Variants in TBX15 observed in about 807,000 individuals in gnomAD.
TBX15 encodes T-box transcription factor 15, also known as T-box transcription factor TBX15.
In TBX15, 18 loss-of-function variants were observed where a neutral mutation model predicts 53.9. The ratio of observed to expected loss-of-function variants is 0.33; its 90% confidence interval spans 0.23 to 0.49. The LOEUF (loss-of-function observed/expected upper bound fraction) is 0.49, where lower values mean the gene tolerates loss of function less well. Ranked by LOEUF, TBX15 falls within the 20% of genes least tolerant of loss-of-function variation. The pLI is 0.98. For synonymous variants in TBX15, 295 were observed against 278.0 expected, an observed-to-expected ratio of 1.06 and a Z score of -0.61; for missense variants, 692 against 749.5, an observed-to-expected ratio of 0.92 and a Z score of 0.90.
intron 7 of TBX15, among the ~76,000 whole-genome samples, chr1:118,893,398 A>AAAGAAAGG (rs1654248617): frequency 7.7e-6 from 1 of 130,364 alleles, no homozygotes; most frequent in East Asian, 2.4e-4. Context: ...AGAAAGAAAG[A>AAAGAAAGG]AAGAAAGAAA....
At chr1:118,912,193 C>T (rs774549779) in intron 6 of TBX15, among the ~76,000 whole-genome samples, 3 of 151,714 alleles carry the variant, frequency 2.0e-5, no homozygotes, top group Non-Finnish European at 4.4e-5. Context: ...TAAGCAAATA[C>T]TAAATGCTAT....
Position 118,923,423 on chromosome 1 carries a change from G to C in TBX15, c.861+13C>G. On this transcript the variant is annotated intron_variant, in intron 5 of 7. Transcript: ENST00000369429. Reference sequence around the variant, plus strand: ...ACAGATGTAGCAGAAGACTCTCAAGGGCCACCTCTTACCTGCTGATTCTGA... The same window carrying C: ...ACAGATGTAGCAGAAGACTCTCAAGCGCCACCTCTTACCTGCTGATTCTGA... 6.2e-7 allele frequency: 1 copy of C among 1,613,628 alleles called. No homozygotes were observed. The highest frequency in any genetic ancestry group is 1.1e-5 in the South Asian group (1 of 91,056).
intron 2 of TBX15, among the ~76,000 whole-genome samples, chr1:118,927,253 AAAT>A (rs1655631245): frequency 6.6e-6 from 1 of 152,178 alleles, no homozygotes; most frequent in Non-Finnish European, 1.5e-5. Flanking sequence ...GTTGTGATAT[AAAT>A]GTATGCACAG....
intron 1 of TBX15, among the ~76,000 whole-genome samples, chr1:118,968,319 A>C (rs1358545821): frequency 6.6e-6 from 1 of 152,028 alleles, no homozygotes. Context: ...GGTTCAAGTG[A>C]GTCTCCTGCC....
Position 118,955,936 on chromosome 1 carries a change from C to T in TBX15, c.206-24104G>A, listed in dbSNP as rs4428935. ...GGTCTTCAAAGACCTCTCATCCTAA[C>T]GGTTATGAGCTGTGGGTCATGCCTG... On this transcript the variant is annotated intron_variant, in intron 1 of 7. Transcript: ENST00000369429. 3.2e-3 allele frequency among the ~76,000 whole-genome samples: 489 copies of T among 152,306 alleles called. 5 individuals carry two copies. Among genetic ancestry groups the T allele is most frequent in the African/African-American group, 0.011 (466 of 41,570 alleles).
rs369097617 is a variant in TBX15 at position 118,938,953 on chromosome 1, C to A, written c.206-7121G>T. On this transcript the variant is annotated intron_variant, in intron 1 of 7. Coordinates refer to ENST00000369429, the MANE Select transcript of TBX15 (RefSeq NM_001330677.2). ...TTCATTGCTGTACTATTCAAAATAG[C>A]AAAGATATGGCATCAACCCAGGTGC... is the stretch of plus-strand genomic sequence containing the variant. 1.2e-3 allele frequency among the ~76,000 whole-genome samples: 182 copies of A among 152,148 alleles called. 2 individuals carry two copies. The South Asian group carries it at 0.029, about 24-fold the overall frequency.
At chr1:118,928,687 C>T (rs970614077) in intron 2 of TBX15, among the ~76,000 whole-genome samples, 2 of 152,130 alleles carry the variant, frequency 1.3e-5, no homozygotes, top group African/African-American at 2.4e-5. Flanking sequence ...CTGTATTACA[C>T]GAAAGAGAGA....
At chr1:118,940,823 A>G (rs1167851841) in intron 1 of TBX15, among the ~76,000 whole-genome samples, 1 of 151,938 alleles carries the variant, frequency 6.6e-6, no homozygotes, top group Non-Finnish European at 1.5e-5. Flanking sequence ...TTCCCACAAA[A>G]TTAATATTTA....
chr1:118,915,155 G>A (rs946670395), intron 5 of TBX15, among the ~76,000 whole-genome samples: 11 of 152,322 alleles, frequency 7.2e-5, no homozygotes, highest in African/African-American at 2.4e-4. Flanking sequence ...CTACATGCAA[G>A]CAATGGAGAC....
intron 1 of TBX15, among the ~76,000 whole-genome samples, chr1:118,979,153 T>A (rs1179628305): frequency 1.3e-5 from 2 of 152,240 alleles, no homozygotes; most frequent in African/African-American, 4.8e-5. Flanking sequence ...TTATTTCAGC[T>A]ACTAGTAGTC....
chr1:118,972,085 T>A (rs1032324140), intron 1 of TBX15, among the ~76,000 whole-genome samples: 22 of 152,188 alleles, frequency 1.4e-4, no homozygotes, highest in African/African-American at 5.1e-4. Context: ...AATACTTAAC[T>A]GGGGCTCTTT....
intron 1 of TBX15, among the ~76,000 whole-genome samples, chr1:118,954,005 A>G (rs1201239991): frequency 6.6e-6 from 1 of 152,222 alleles, no homozygotes; most frequent in Non-Finnish European, 1.5e-5. Context: ...GATTTGTCAC[A>G]TGACAGCCAG....
At chr1:118,960,080 AAAG>A (rs1362318098) in intron 1 of TBX15, among the ~76,000 whole-genome samples, 1 of 152,172 alleles carries the variant, frequency 6.6e-6, no homozygotes, top group East Asian at 1.9e-4. Context: ...AAAAAAAAAA[AAAG>A]AAGAGAAAAG....
intron 1 of TBX15, among the ~76,000 whole-genome samples, chr1:118,941,101 T>C (rs1656163848): frequency 6.6e-6 from 1 of 152,192 alleles, no homozygotes. Flanking sequence ...CCCAAGTCAA[T>C]GTTTATTTGC....
intron 2 of TBX15, among the ~76,000 whole-genome samples, chr1:118,928,706 T>C (rs1193464776): frequency 6.6e-6 from 1 of 152,212 alleles, no homozygotes; most frequent in Non-Finnish European, 1.5e-5. Context: ...GAGATTTCTT[T>C]TATTCATACC....
At chr1:118,913,012 T>A (rs1040547922) in intron 6 of TBX15, among the ~76,000 whole-genome samples, 1 of 152,162 alleles carries the variant, frequency 6.6e-6, no homozygotes, top group Non-Finnish European at 1.5e-5. Context: ...TAAATATACA[T>A]AAGTTTAGTA....
chr1:118,950,972 C>T (rs993397806), intron 1 of TBX15, among the ~76,000 whole-genome samples: 11 of 152,226 alleles, frequency 7.2e-5, no homozygotes, highest in Admixed American at 2.0e-4. Context: ...ACACTGGCAT[C>T]TACTGCCCCC....
At chr1:118,896,148 G>A (rs1405565244) in intron 7 of TBX15, among the ~76,000 whole-genome samples, 2 of 152,100 alleles carry the variant, frequency 1.3e-5, no homozygotes, top group East Asian at 1.9e-4. Context: ...GGCCCAAGAC[G>A]ATTTTTCTTC....
upstream of TBX15, chr1:118,989,284 G>C (rs915340193): frequency 6.6e-6 from 1 of 152,192 alleles, no homozygotes; most frequent in African/African-American, 2.4e-5. Flanking sequence ...CGATCTCTAA[G>C]GACTGCATTC....
Sources: gnomAD v4.1 joint callset for allele counts (sites outside exome capture counted in the v4.1 genomes callset) on GRCh38, gnomAD v4.1.1 for gene constraint, MANE v1.5 for transcripts, NCBI Gene and HGNC (gene_info 2026-07-23, HGNC 2026-07-21) for gene names.